Variants in USH2A observed in about 807,000 individuals in gnomAD.
The protein encoded by USH2A is Usher syndrome 2A (autosomal recessive, mild).
USH2A carries 443 observed loss-of-function variants against 538.9 expected under a neutral mutation model. The observed-to-expected ratio is 0.82, with a 90% confidence interval of 0.76 to 0.89. The LOEUF (loss-of-function observed/expected upper bound fraction) is 0.89. Among genes scored for constraint, USH2A ranks in the 40% least tolerant of loss-of-function variants. The pLI is 0.00. For missense variants in USH2A, 6,633 were observed against 6,324.8 expected, an observed-to-expected ratio of 1.05 and a Z score of -1.65; for synonymous variants, 2,413 against 2,273.5, an observed-to-expected ratio of 1.06 and a Z score of -1.75.
chr1:215,777,560 C>T (rs907194729), intron 55 of USH2A, among the ~76,000 whole-genome samples: 4 of 152,176 alleles, frequency 2.6e-5, no homozygotes, highest in Non-Finnish European at 5.9e-5. Context: ...ATTAACATCC[C>T]ATTGCTTACT....
At chr1:216,274,890 C>T (rs961519232) in intron 11 of USH2A, among the ~76,000 whole-genome samples, 12 of 152,072 alleles carry the variant, frequency 7.9e-5, no homozygotes, top group African/African-American at 2.7e-4. Flanking sequence ...CTAAACTTCC[C>T]CACGATAATC....
intron 21 of USH2A, among the ~76,000 whole-genome samples, chr1:216,159,117 T>G (rs2034004453): frequency 1.3e-5 from 2 of 152,178 alleles, no homozygotes; most frequent in Admixed American, 6.5e-5. Flanking sequence ...TTGACATCAA[T>G]AAAAATAATG....
intron 44 of USH2A, among the ~76,000 whole-genome samples, chr1:215,855,236 C>T (rs1664131982): frequency 6.6e-6 from 1 of 152,024 alleles, no homozygotes; most frequent in Non-Finnish European, 1.5e-5. Context: ...ACCCTAGAGA[C>T]ATTTGGATGA....
intron 44 of USH2A, among the ~76,000 whole-genome samples, chr1:215,860,966 G>A (rs544993791): frequency 2.6e-5 from 4 of 152,166 alleles, no homozygotes; most frequent in South Asian, 2.1e-4. Context: ...AGGGCTCTGC[G>A]TCACCAACTA....
intron 21 of USH2A, among the ~76,000 whole-genome samples, chr1:216,107,860 AC>A (rs1443470750): frequency 6.6e-6 from 1 of 151,688 alleles, no homozygotes; most frequent in African/African-American, 2.4e-5. Flanking sequence ...TAACACACAT[AC>A]TATCACAAAT....
At chr1:216,248,710 C>T (rs2036100283) in intron 12 of USH2A, among the ~76,000 whole-genome samples, 1 of 152,014 alleles carries the variant, frequency 6.6e-6, no homozygotes, top group African/African-American at 2.4e-5. Context: ...AGAATTATGA[C>T]TCATTTTGAA....
At chr1:215,857,900 C>T (rs1934426) in intron 44 of USH2A, among the ~76,000 whole-genome samples, 13,745 of 152,114 alleles carry the variant, frequency 0.09, 656 homozygotes, top group East Asian at 0.19. Flanking sequence ...GGGTGTCTGA[C>T]TTCCCATCCC....
At chr1:216,050,587 TC>T (rs2030732136) in intron 30 of USH2A, among the ~76,000 whole-genome samples, 1 of 36,584 alleles carries the variant, frequency 2.7e-5, no homozygotes, top group African/African-American at 7.4e-5. Flanking sequence ...TTTCTTTCTT[TC>T]TTTCTTTCTT....
In USH2A at chr1:215,878,810, C is replaced by T; in HGVS notation, c.8512G>A (p.Val2838Met). The T allele has an allele frequency of 6.2e-7, 1 of 1,614,002 alleles. No homozygotes were observed. Among genetic ancestry groups the T allele is most frequent in the Admixed American group, 1.7e-5 (1 of 60,010 alleles). The change falls in exon 42 of 72, where the codon GTG (valine) becomes ATG (methionine). Residue 2838 changes from valine to methionine, a missense_variant. Transcript: ENST00000307340. Reference sequence around the variant, plus strand: ...TTGGATGGTGGTTGCCAAGAAATCACAACATATGATTCACTTAGTGGAATC... The same window carrying T: ...TTGGATGGTGGTTGCCAAGAAATCATAACATATGATTCACTTAGTGGAATC... ...SVIPLSESYV[V>M]ISWQPPSKPN... is the part of the protein sequence containing the mutation.
chr1:216,244,078 T>G (rs1327935492), intron 13 of USH2A, among the ~76,000 whole-genome samples: 2 of 152,124 alleles, frequency 1.3e-5, no homozygotes, highest in East Asian at 3.9e-4. Context: ...TCATGTCAAC[T>G]TTGTTGTTCA....
chr1:215,951,878 G>A (rs1187945624), intron 37 of USH2A, among the ~76,000 whole-genome samples: 1 of 146,332 alleles, frequency 6.8e-6, no homozygotes, highest in Admixed American at 6.7e-5. Flanking sequence ...TATTTTTTGA[G>A]ACGGAGTCTT....
chr1:216,324,133 A>C, intron 7 of USH2A, 35 bp downstream of exon 7: 1 of 1,587,758 alleles, frequency 6.3e-7, no homozygotes, highest in Non-Finnish European at 8.6e-7. Context: ...ATAACCAATC[A>C]GTCTATTAAA....
intron 61 of USH2A, among the ~76,000 whole-genome samples, chr1:215,699,608 T>A (rs1357885279): frequency 6.6e-6 from 1 of 152,202 alleles, no homozygotes; most frequent in East Asian, 1.9e-4. Flanking sequence ...ACTCATGATT[T>A]GGCTCTCTTT....
chr1:215,894,025 AG>A (rs1423796123), intron 40 of USH2A, among the ~76,000 whole-genome samples: 2 of 152,214 alleles, frequency 1.3e-5, no homozygotes, highest in Non-Finnish European at 2.9e-5. Flanking sequence ...CAAAATCAGA[AG>A]ATTATAAATG....
At chr1:215,916,526 G>C (rs61828485) in intron 38 of USH2A, among the ~76,000 whole-genome samples, 22,032 of 151,940 alleles carry the variant, frequency 0.15, 1,699 homozygotes, top group Non-Finnish European at 0.15. Context: ...CGGAGAAATG[G>C]TAAGAATAGA....
chr1:216,031,594 C>T (rs1464983384), intron 32 of USH2A, among the ~76,000 whole-genome samples: 2 of 152,198 alleles, frequency 1.3e-5, no homozygotes, highest in Non-Finnish European at 2.9e-5. Flanking sequence ...AACAGCTACA[C>T]AGACTCAGTC....
intron 71 of USH2A, among the ~76,000 whole-genome samples, chr1:215,627,441 C>CTTCCTTCCTTCT (rs1656086592): frequency 1.8e-5 from 1 of 55,100 alleles, no homozygotes; most frequent in African/African-American, 5.6e-5. Flanking sequence ...TCCTTCCTTC[C>CTTCCTTCCTTCT]TTCCTTCCTT....
intron 49 of USH2A, among the ~76,000 whole-genome samples, chr1:215,800,586 G>A (rs1375182581): frequency 6.6e-6 from 1 of 152,156 alleles, no homozygotes; most frequent in African/African-American, 2.4e-5. Context: ...TCACCTTTTG[G>A]TGAGCCCTGG....
At chr1:216,215,348 G>A (rs1257309586) in intron 15 of USH2A, among the ~76,000 whole-genome samples, 1 of 152,104 alleles carries the variant, frequency 6.6e-6, no homozygotes, top group African/African-American at 2.4e-5. Context: ...AGTTCACTGT[G>A]TCAGCAATAG....
Sources: gnomAD v4.1 joint callset for allele counts (sites outside exome capture counted in the v4.1 genomes callset) on GRCh38, gnomAD v4.1.1 for gene constraint, MANE v1.5 for transcripts, NCBI Gene and HGNC (gene_info 2026-07-23, HGNC 2026-07-21) for gene names.